CLASP1: variants seen among roughly 807,000 people sequenced by gnomAD.
CLASP1 encodes the protein CLIP-associating protein 1.
CLASP1 carries 38 observed loss-of-function variants against 192.3 expected under a neutral mutation model. The ratio of observed to expected loss-of-function variants is 0.20; its 90% CI spans 0.15 to 0.26. The LOEUF (loss-of-function observed/expected upper bound fraction) is 0.26, where lower values mean the gene tolerates loss of function less well. Among genes scored for constraint, CLASP1 ranks in the 10% least tolerant of loss-of-function variants. The probability of loss-of-function intolerance (pLI) is 1.00; values close to 1 mark genes in which losing one functional copy is unlikely to be tolerated. For missense variants in CLASP1, 1,433 were observed against 1,932.5 expected, an observed-to-expected ratio of 0.74 and a Z score of 4.85; for synonymous variants, 691 against 712.8, an observed-to-expected ratio of 0.97 and a Z score of 0.49.
chr2:121,465,017 T>G (rs1200424157), intron 9 of CLASP1, among the ~76,000 whole-genome samples: 3 of 152,108 alleles, frequency 2.0e-5, no homozygotes, highest in Non-Finnish European at 4.4e-5. Context: ...ATGGGACGTA[T>G]CTCAAAATCA....
At chr2:121,642,888 A>T (rs2072408853) in intron 1 of CLASP1, among the ~76,000 whole-genome samples, 1 of 152,282 alleles carries the variant, frequency 6.6e-6, no homozygotes, top group African/African-American at 2.4e-5. Context: ...ACACATGGAC[A>T]GTCTCAAAGA....
At chr2:121,460,232 T>A (rs998341427) in intron 11 of CLASP1, 107 bp from the exon 12 acceptor site, 1 of 878,778 alleles carries the variant, frequency 1.1e-6, no homozygotes, top group Non-Finnish European at 1.7e-6. Context: ...AAAGTTCAAC[T>A]GATTAGAAAG....
chr2:121,489,430 C>T (rs140123097), intron 8 of CLASP1, among the ~76,000 whole-genome samples: 3 of 152,314 alleles, frequency 2.0e-5, no homozygotes, highest in Non-Finnish European at 4.4e-5. Context: ...CAATTCCCCA[C>T]AGCAGGAGAC....
rs533463123 is a variant in CLASP1, at chr2:121,497,317, C to T, written c.712+5850G>A. Among the ~76,000 whole-genome samples, 5 of 152,214 alleles carry T rather than the reference C, an allele frequency of 3.3e-5. No individual in the cohort carries two copies. In the East Asian group the frequency reaches 5.8e-4, roughly 18 times the overall value. ...ACCAGGATGAATAATGGAGCAATCA[C>T]GCTTATAAGGAGTACAGAAAACACT... On this transcript the variant is annotated intron_variant, in intron 8 of 39. Transcript: ENST00000263710.
At chr2:121,516,562 T>G (rs1012504509) in intron 6 of CLASP1, among the ~76,000 whole-genome samples, 1 of 152,214 alleles carries the variant, frequency 6.6e-6, no homozygotes, top group Non-Finnish European at 1.5e-5. Flanking sequence ...AAATAAGGTG[T>G]GAGAGACAGG....
At chr2:121,485,262 G>A (rs1488399042) in intron 8 of CLASP1, among the ~76,000 whole-genome samples, 5 of 152,218 alleles carry the variant, frequency 3.3e-5, no homozygotes, top group Admixed American at 3.3e-4. Context: ...GCAAAAGAAT[G>A]CCTTTGACTA....
chr2:121,433,366 C>T (rs1188533979), intron 19 of CLASP1, among the ~76,000 whole-genome samples: 1 of 149,406 alleles, frequency 6.7e-6, no homozygotes, highest in African/African-American at 2.5e-5. Context: ...TGCCTAGTTG[C>T]CAACAATTTT....
At chr2:121,433,732 G>C (rs1011306906) in intron 19 of CLASP1, among the ~76,000 whole-genome samples, 2 of 152,204 alleles carry the variant, frequency 1.3e-5, no homozygotes, top group African/African-American at 4.8e-5. Flanking sequence ...CTCCAGCCTA[G>C]GCGACAAAGT....
chr2:121,407,927 GAA>G, intron 24 of CLASP1: 2 of 694,600 alleles, frequency 2.9e-6, no homozygotes, highest in South Asian at 2.8e-5. Flanking sequence ...TAGTAGAAGG[GAA>G]AGAGTATGGC....
intron 2 of CLASP1, chr2:121,531,074 G>T: frequency 1.4e-6 from 1 of 689,980 alleles, no homozygotes; most frequent in Admixed American, 2.0e-5. Flanking sequence ...CTAGTACTTT[G>T]TGGTTAAACC....
chr2:121,507,684 A>G (rs1462866962), intron 7 of CLASP1, among the ~76,000 whole-genome samples: 1 of 152,218 alleles, frequency 6.6e-6, no homozygotes, highest in Non-Finnish European at 1.5e-5. Flanking sequence ...AAGCTACTCC[A>G]AACAGGATAA....
chr2:121,518,170 G>A (rs557074912), intron 6 of CLASP1, among the ~76,000 whole-genome samples: 1 of 145,052 alleles, frequency 6.9e-6, no homozygotes, highest in South Asian at 2.2e-4. Flanking sequence ...GGCAGAGGTT[G>A]CAGTGAGCTG....
At chr2:121,355,964 G>A (rs1317796818) in intron 37 of CLASP1, among the ~76,000 whole-genome samples, 2 of 152,222 alleles carry the variant, frequency 1.3e-5, no homozygotes, top group African/African-American at 4.8e-5. Context: ...GTCTAGCTAA[G>A]AAAAGCGTAA....
intron 34 of CLASP1, among the ~76,000 whole-genome samples, chr2:121,372,830 C>T (rs1020163402): frequency 6.6e-6 from 1 of 152,238 alleles, no homozygotes; most frequent in African/African-American, 2.4e-5. Flanking sequence ...CCAGTGAGCA[C>T]ATCCTTCCTG....
chr2:121,590,416 A>G (rs1455402924), intron 2 of CLASP1, among the ~76,000 whole-genome samples: 2 of 152,250 alleles, frequency 1.3e-5, no homozygotes, highest in African/African-American at 4.8e-5. Context: ...TATAGAAGAG[A>G]ATATTACATT....
chr2:121,462,916 T>C lies in CLASP1; in HGVS notation c.866-311A>G, dbSNP rs573016754. 1.0e-3 allele frequency among the ~76,000 whole-genome samples: 152 copies of C among 152,268 alleles called. 3 individuals carry two copies. Among genetic ancestry groups the C allele is most frequent in the East Asian group, 1.7e-3 (9 of 5,174 alleles). ...ATTAACATACAAGTCCTTTGAAAGA[T>C]TCCTAATAAATGGATCAAGCAGAAA... On this transcript the variant is annotated intron_variant, in intron 9 of 39. Coordinates refer to ENST00000263710, the Ensembl canonical transcript of CLASP1.
chr2:121,545,024 G>C (rs927837031), intron 2 of CLASP1, among the ~76,000 whole-genome samples: 3 of 151,434 alleles, frequency 2.0e-5, no homozygotes, highest in African/African-American at 4.9e-5. Flanking sequence ...CAATTCTCCT[G>C]CCTCAGCCTC....
chr2:121,443,596 G>C (rs370505263), intron 19 of CLASP1, among the ~76,000 whole-genome samples: 2 of 152,134 alleles, frequency 1.3e-5, no homozygotes, highest in African/African-American at 4.8e-5. Context: ...CAGACATGAC[G>C]TCCTCATCAG....
intron 8 of CLASP1, chr2:121,470,169 C>A (rs2090419999): frequency 1.6e-6 from 1 of 638,596 alleles, no homozygotes; most frequent in Non-Finnish European, 2.8e-6. Flanking sequence ...TTTCACATAC[C>A]CAGAATACTT....
Sources: allele counts gnomAD v4.1 joint callset (sites outside exome capture counted in the v4.1 genomes callset), GRCh38; gene constraint gnomAD v4.1.1; transcripts MANE v1.5; gene names NCBI Gene and HGNC (gene_info 2026-07-23, HGNC 2026-07-21).